Variants in PLXNA4 observed in about 807,000 individuals in gnomAD.
PLXNA4 encodes plexin-A4.
In PLXNA4, 44 loss-of-function variants were observed where a neutral mutation model predicts 191.8. That is an observed-to-expected ratio of 0.23 (90% CI 0.18 to 0.29). PLXNA4 has a LOEUF of 0.29. Among genes scored for constraint, PLXNA4 ranks in the 10% least tolerant of loss-of-function variants. The pLI, the probability that PLXNA4 is intolerant of heterozygous loss-of-function variation, is 1.00. For missense variants in PLXNA4, 1,800 were observed against 2,488.8 expected, an observed-to-expected ratio of 0.72 and a Z score of 5.89; for synonymous variants, 1,082 against 1,009.5, an observed-to-expected ratio of 1.07 and a Z score of -1.36.
At chr7:132,642,714 T>C (rs1803767357) in intron 2 of PLXNA4, among the ~76,000 whole-genome samples, 1 of 152,150 alleles carries the variant, frequency 6.6e-6, no homozygotes. Context: ...CAGCAAAAGA[T>C]TACAAACAAT....
chr7:132,251,824 C>T (rs1400841242), intron 4 of PLXNA4, among the ~76,000 whole-genome samples: 1 of 152,222 alleles, frequency 6.6e-6, no homozygotes, highest in East Asian at 1.9e-4. Context: ...TCTTTCCTCG[C>T]AGGCAACCAA....
At chr7:132,278,198 A>C (rs1048174351) in intron 4 of PLXNA4, among the ~76,000 whole-genome samples, 6 of 152,236 alleles carry the variant, frequency 3.9e-5, no homozygotes, top group African/African-American at 1.4e-4. Flanking sequence ...CCTTACATAC[A>C]ACCTGAATCT....
At chr7:132,526,804 A>G (rs563939856) in intron 1 of PLXNA4, among the ~76,000 whole-genome samples, 1 of 152,274 alleles carries the variant, frequency 6.6e-6, no homozygotes, top group South Asian at 2.1e-4. Context: ...CACAGGTAGG[A>G]CAGGGCCCTC....
intron 4 of PLXNA4, among the ~76,000 whole-genome samples, chr7:132,260,876 G>T (rs1404612122): frequency 6.6e-6 from 1 of 152,070 alleles, no homozygotes; most frequent in Non-Finnish European, 1.5e-5. Context: ...AAAGACTGTG[G>T]ACTCTGGATG....
At chr7:132,614,851 G>C (rs1327701022) in intron 2 of PLXNA4, among the ~76,000 whole-genome samples, 1 of 152,238 alleles carries the variant, frequency 6.6e-6, no homozygotes. Context: ...CAGAGAAAGA[G>C]GAAGCAGATG....
chr7:132,629,957 C>T (rs1350409461), intron 2 of PLXNA4, among the ~76,000 whole-genome samples: 3 of 152,088 alleles, frequency 2.0e-5, no homozygotes, highest in Admixed American at 2.0e-4. Flanking sequence ...TCATGCCATT[C>T]TCCTGCCTCA....
chr7:132,135,123 C>T (rs908506254), intron 30 of PLXNA4, among the ~76,000 whole-genome samples: 1 of 152,154 alleles, frequency 6.6e-6, no homozygotes, highest in African/African-American at 2.4e-5. Context: ...TGTCATTGTC[C>T]CCTTAGGGAT....
intron 17 of PLXNA4, 123 bp downstream of exon 17, chr7:132,181,974 C>T: frequency 6.7e-7 from 1 of 1,489,872 alleles, no homozygotes; most frequent in Non-Finnish European, 9.1e-7. Flanking sequence ...TCAAGGGTGT[C>T]AGGCTGTGGG....
At chr7:132,288,818 A>G (rs1029391690) in intron 4 of PLXNA4, among the ~76,000 whole-genome samples, 1 of 152,220 alleles carries the variant, frequency 6.6e-6, no homozygotes, top group Non-Finnish European at 1.5e-5. Context: ...GGCTGCAGAC[A>G]GTATCTCCAC....
intron 4 of PLXNA4, among the ~76,000 whole-genome samples, chr7:132,276,537 C>T (rs187385045): frequency 2.0e-3 from 307 of 152,210 alleles, no homozygotes; most frequent in Non-Finnish European, 3.3e-3. Context: ...CTGAGTCGTC[C>T]CTAAGCAGCT....
intron 26 of PLXNA4, 93 bp downstream of exon 26, chr7:132,148,450 G>A (rs1745151055): frequency 1.4e-5 from 21 of 1,543,496 alleles, no homozygotes; most frequent in Non-Finnish European, 1.8e-5. Flanking sequence ...CTGGTGAGGG[G>A]CTTGGTGTCT....
At chr7:132,385,446 C>T in intron 3 of PLXNA4, 2 of 1,230,752 alleles carry the variant, frequency 1.6e-6, no homozygotes, top group Non-Finnish European at 1.1e-6. Flanking sequence ...TATTAAGAGC[C>T]TCAATATCTA....
chr7:132,474,283 G>A (rs548958018), intron 3 of PLXNA4, among the ~76,000 whole-genome samples: 3 of 148,916 alleles, frequency 2.0e-5, no homozygotes, highest in Admixed American at 6.7e-5. Context: ...GCAGCACTAG[G>A]GCGTTTGGGA....
In PLXNA4 at chr7:132,424,384, A is replaced by AGCCCTG. The variant is rs199934646; in HGVS notation, c.1371+64902_1371+64907dup. On this transcript the variant is annotated intron_variant, in intron 3 of 31. Transcript: ENST00000321063. Reference sequence around the variant, plus strand: ...GGCTGAGGAGGGAGCTCAGCTGGAGAGCCCTGGCCCAGGCCCACAAGACAG... The same window carrying AGCCCTG: ...GGCTGAGGAGGGAGCTCAGCTGGAGAGCCCTGGCCCTGGCCCAGGCCCACAAGACAG... 9.4e-3 allele frequency among the ~76,000 whole-genome samples: 1,432 copies of AGCCCTG among 152,322 alleles called. 21 individuals are homozygous for AGCCCTG. The highest frequency in any genetic ancestry group is 0.033 in the African/African-American group (1,370 of 41,560).
chr7:132,330,487 A>G (rs1466878599), intron 3 of PLXNA4, among the ~76,000 whole-genome samples: 1 of 152,240 alleles, frequency 6.6e-6, no homozygotes, highest in African/African-American at 2.4e-5. Context: ...CCTTAAAAAT[A>G]AAACTTGTCT....
At chr7:132,390,092 A>G (rs1040616257) in intron 3 of PLXNA4, among the ~76,000 whole-genome samples, 7 of 152,222 alleles carry the variant, frequency 4.6e-5, no homozygotes, top group Admixed American at 4.6e-4. Flanking sequence ...ATTATAAATA[A>G]TTCTACTATA....
chr7:132,289,704 T>G (rs955020299), intron 4 of PLXNA4, among the ~76,000 whole-genome samples: 3 of 152,084 alleles, frequency 2.0e-5, no homozygotes, highest in Non-Finnish European at 2.9e-5. Flanking sequence ...GGATAATTTT[T>G]AAATTTTTTG....
intron 3 of PLXNA4, among the ~76,000 whole-genome samples, chr7:132,303,900 AG>A (rs934782748): frequency 6.6e-6 from 1 of 152,192 alleles, no homozygotes; most frequent in Non-Finnish European, 1.5e-5. Flanking sequence ...CAGGAGATCT[AG>A]CCAACTGGAG....
intron 9 of PLXNA4, 106 bp from the exon 10 acceptor site, chr7:132,211,249 A>T: frequency 8.0e-7 from 1 of 1,252,836 alleles, no homozygotes; most frequent in Non-Finnish European, 1.1e-6. Flanking sequence ...TTCCATGGAC[A>T]CACCCACAGG....
Sources: gnomAD v4.1 joint callset for allele counts (sites outside exome capture counted in the v4.1 genomes callset) on GRCh38, gnomAD v4.1.1 for gene constraint, MANE v1.5 for transcripts, NCBI Gene and HGNC (gene_info 2026-07-23, HGNC 2026-07-21) for gene names.